The following ADAMTS10 variants were observed in gnomAD, a reference collection of about 807,000 sequenced individuals.
ADAMTS10 encodes the protein A disintegrin and metalloproteinase with thrombospondin motifs 10.
In ADAMTS10, 48 loss-of-function variants were observed where a neutral mutation model predicts 135.9. The ratio of observed to expected loss-of-function variants is 0.35; its 90% CI spans 0.28 to 0.45. The LOEUF (loss-of-function observed/expected upper bound fraction) is 0.45. ADAMTS10 is among the 20% of genes least tolerant of loss of function. ADAMTS10 has a pLI of 1.00. For missense variants in ADAMTS10, 1,131 were observed against 1,565.2 expected (o/e 0.72, Z 4.68); for synonymous variants, 621 against 647.5 (o/e 0.96, Z 0.62).
Position 8,592,839 on chromosome 19 carries a change from T to G in ADAMTS10, c.1511A>C (p.Lys504Thr). ...EVCSELWCLS[K>T]SNRCITNSIP... ...GCTGTTGGTGATGCACCGGTTGCTC[T>G]TGCTCAGACACCACAGCTCGCTGCA... The change falls in exon 13 of 26, where the codon AAG (lysine) becomes ACG (threonine). Residue 504 changes from lysine to threonine, a missense_variant. Physicochemically the swap from Lys to Thr is moderately conservative, Grantham distance 78. Transcript: ENST00000597188. The G allele has an allele frequency of 6.2e-7, 1 of 1,612,864 alleles. No individual in the cohort carries two copies. The highest frequency in any genetic ancestry group is 8.5e-7 in the Non-Finnish European group (1 of 1,179,856).
rs782753897 is a variant in ADAMTS10 at position 8,597,266 on chromosome 19, C to T, written c.862G>A (p.Val288Ile). Reference protein sequence around the residue: ...SSLGSTVNILVTRLILLTEDQ... With the variant: ...SSLGSTVNILITRLILLTEDQ... Reference sequence around the variant, plus strand: ...TCCGTGAGCAGGATGAGGCGAGTTACGAGGATGTTAACGGTGCTTCCCAGA... The same window carrying T: ...TCCGTGAGCAGGATGAGGCGAGTTATGAGGATGTTAACGGTGCTTCCCAGA... The change falls in exon 7 of 26, where the codon GTA (valine) becomes ATA (isoleucine). Residue 288 changes from valine (V) to isoleucine (I), a missense_variant. Physicochemically the swap from Val to Ile is conservative, Grantham distance 29. Transcript: ENST00000597188. 8 of 1,614,036 alleles carry T rather than the reference C, an allele frequency of 5.0e-6. No individual in the cohort carries two copies. The highest frequency in any genetic ancestry group is 4.5e-5 in the East Asian group (2 of 44,876).
intron 6 of ADAMTS10, among the ~76,000 whole-genome samples, chr19:8,598,645 T>G (rs1212924423): frequency 3.5e-5 from 5 of 142,612 alleles, no homozygotes; most frequent in African/African-American, 1.3e-4. Flanking sequence ...GGCGCAATCT[T>G]GGCTCACTCA....
chr19:8,595,967 G>T lies in ADAMTS10; in HGVS notation c.1338-64C>A, dbSNP rs551641639. 6.2e-6 allele frequency: 10 copies of T among 1,613,988 alleles called. No individual in the cohort carries two copies. The South Asian group carries it at 1.1e-4, about 18-fold the overall frequency. ...GCAAATCAAGAGCTCAGGAGCCTCAGCTGGATGGGGGTCCCAGGGAGCATC... is the reference window on the plus strand; with the variant it reads ...GCAAATCAAGAGCTCAGGAGCCTCATCTGGATGGGGGTCCCAGGGAGCATC... On this transcript the variant is annotated intron_variant, in intron 11 of 25. Transcript: ENST00000597188.
At position 8,601,041 on chromosome 19, in the gene ADAMTS10, G is replaced by A; in HGVS notation, c.697C>T (p.Arg233Ter). The A allele has an allele frequency of 6.2e-7, 1 of 1,614,138 alleles. No homozygotes were observed. Among genetic ancestry groups the A allele is most frequent in the Non-Finnish European group, 8.5e-7 (1 of 1,180,056 alleles). ...ETERGQPGLK[R>*]SVSRERYVET... ...ACGTAGCGCTCTCGGCTGACCGATC[G>A]CTTCAGGCCTGGCTGGCCACGCTCT... The change falls in exon 6 of 26, where the codon CGA becomes TGA. Residue 233 changes from arginine (R) to a stop codon, truncating the protein, a stop_gained. Transcript: ENST00000597188. LOFTEE classifies it high-confidence loss of function. The surrounding 1 kb of genome is among the most constrained non-coding windows in gnomAD (Gnocchi z 4.6).
intron 6 of ADAMTS10, among the ~76,000 whole-genome samples, chr19:8,598,219 AC>A (rs2146085547): frequency 6.6e-6 from 1 of 152,128 alleles, no homozygotes; most frequent in East Asian, 1.9e-4. Flanking sequence ...CAGAAGTGAG[AC>A]TCAAGTCTGG....
chr19:8,589,076 G>T (rs1555738024), intron 18 of ADAMTS10, among the ~76,000 whole-genome samples, 166 bp downstream of exon 18: 1 of 152,204 alleles, frequency 6.6e-6, no homozygotes, highest in East Asian at 1.9e-4. Context: ...ATAGGCTTGA[G>T]CCACTTCACC....
In ADAMTS10 at chr19:8,601,588, C is replaced by G. The variant is rs1555741622; in HGVS notation, c.593-443G>C. ...TGTTGGCCAGGCTGGTCTCGAACTC[C>G]TGACCTCAAGTGATCCACCCGTCTC... On this transcript the variant is annotated intron_variant, in intron 5 of 25. Transcript: ENST00000597188. This position sits in a 1 kb window ranked among gnomAD's most constrained non-coding sequence, Gnocchi z 4.6. 6.6e-6 allele frequency among the ~76,000 whole-genome samples: 1 copy of G among 152,092 alleles called. No homozygotes were observed. The highest frequency in any genetic ancestry group is 1.5e-5 in the Non-Finnish European group (1 of 68,018).
At chr19:8,589,683 C>A in intron 16 of ADAMTS10, 98 bp from the exon 17 acceptor site, 3 of 1,573,298 alleles carry the variant, frequency 1.9e-6, no homozygotes, top group Non-Finnish European at 2.6e-6. Context: ...GACCCCAGAC[C>A]CAAGAGGAAG....
chr19:8,587,642 G>T (rs1469342632), intron 18 of ADAMTS10, among the ~76,000 whole-genome samples: 2 of 151,750 alleles, frequency 1.3e-5, no homozygotes, highest in South Asian at 2.1e-4. Flanking sequence ...CTAATTAAAA[G>T]AATTTTGTAG....
chr19:8,580,839 G>T lies in ADAMTS10; in HGVS notation c.*54C>A. 6.9e-7 allele frequency: 1 copy of T among 1,452,014 alleles called. No homozygotes were observed. The highest frequency in any genetic ancestry group is 9.4e-7 in the Non-Finnish European group (1 of 1,060,942). 89.9% of individuals were successfully genotyped at this position (1,452,014 alleles called of 1,614,324 possible). On this transcript the variant is annotated 3_prime_UTR_variant, in exon 26 of 26. Transcript: ENST00000597188. ...CGGGGCCCCCTCTGGCCGGCCCGCT[G>T]CAGGGCTGGCGGCGGAGACCCCGCC...
chr19:8,586,337 G>A lies in ADAMTS10; in HGVS notation c.2530+7C>T, dbSNP rs782540299. 1.9e-6 allele frequency: 3 copies of A among 1,613,534 alleles called. No homozygotes were observed. The highest frequency in any genetic ancestry group is 2.5e-6 in the Non-Finnish European group (3 of 1,179,894). The stretch of plus-strand genomic sequence containing the variant: ...TATCTTGTGCCTTCCCCCACCCCCG[G>A]CCTCACCGCCTGCACACTGGGCCGA... On this transcript the variant is annotated splice_region_variant and intron_variant, in intron 21 of 25. Coordinates refer to ENST00000597188, the MANE Select transcript of ADAMTS10 (RefSeq NM_030957.4).
rs377638102 is a variant in ADAMTS10 at position 8,592,068 on chromosome 19, C to G, written c.1623G>C (p.Ser541=). ...AGGCTCCGTCCACACCCTCTGGGCGCGACCCAAAGGGGACACAGACCCGTT... is the reference window on the plus strand; with the variant it reads ...AGGCTCCGTCCACACCCTCTGGGCGGGACCCAAAGGGGACACAGACCCGTT... ...CYKRVCVPFG[S]RPEGVDGAWG... is the part of the protein sequence containing the mutation. The change falls in exon 14 of 26, where the codon TCG becomes TCC. Residue 541 remains serine, a synonymous_variant. Coordinates refer to ENST00000597188, the MANE Select transcript of ADAMTS10 (RefSeq NM_030957.4). 6.4e-5 allele frequency: 104 copies of G among 1,613,488 alleles called. No homozygotes were observed. Among genetic ancestry groups the G allele is most frequent in the Non-Finnish European group, 7.9e-5 (93 of 1,179,848 alleles).
Position 8,586,728 on chromosome 19 carries a change from G to C in ADAMTS10, c.2240-7C>G, listed in dbSNP as rs782324329. 6.2e-7 allele frequency: 1 copy of C among 1,614,114 alleles called. No individual in the cohort carries two copies. The highest frequency in any genetic ancestry group is 8.5e-7 in the Non-Finnish European group (1 of 1,180,018). ...TCCTGGTCTCCCTTCAGGGCTGGGG[G>C]ACGATGCAGGGTTCAGAATTCTAGT... On this transcript the variant is annotated splice_region_variant and splice_polypyrimidine_tract_variant and intron_variant, in intron 19 of 25. Coordinates refer to ENST00000597188, the MANE Select transcript of ADAMTS10 (RefSeq NM_030957.4).
chr19:8,605,251 G>A lies in ADAMTS10; in HGVS notation c.196C>T (p.Arg66Cys), dbSNP rs782504616. 8.1e-6 allele frequency: 13 copies of A among 1,613,174 alleles called. No individual in the cohort carries two copies. The highest frequency in any genetic ancestry group is 2.2e-5 in the East Asian group (1 of 44,844). The part of the protein sequence containing the change: ...FSPPPPRRQR[R>C]GTGATAESRL... ...GACTCGGCTGTGGCCCCCGTGCCGC[G>A]GCGCTGCCTCCGGGGAGGAGGTGGC... is the stretch of plus-strand genomic sequence containing the variant. Residue 66 changes from arginine (R) to cysteine (C), a missense_variant, in exon 4 of 26, where the codon CGC (arginine) becomes TGC (cysteine). By Grantham distance (180) the Arg-to-Cys change is radical. Transcript: ENST00000597188. The surrounding 1 kb of genome is among the most constrained non-coding windows in gnomAD (Gnocchi z 7.7).
chr19:8,602,156 G>T (rs1359991140), intron 5 of ADAMTS10, among the ~76,000 whole-genome samples: 1 of 152,170 alleles, frequency 6.6e-6, no homozygotes, highest in Admixed American at 6.5e-5. Flanking sequence ...ACTACAACCA[G>T]ATGGTCTCAT....
rs369044799 is a variant in ADAMTS10 at position 8,597,699 on chromosome 19, G to A, written c.811-382C>T. On this transcript the variant is annotated intron_variant, in intron 6 of 25. Coordinates refer to ENST00000597188, the MANE Select transcript of ADAMTS10 (RefSeq NM_030957.4). Reference sequence around the variant, plus strand: ...TCTGTTGCCCAGGCTGCAGTGCTGCGGTGCAATCTCAGCTCACTGTAACCT... The same window carrying A: ...TCTGTTGCCCAGGCTGCAGTGCTGCAGTGCAATCTCAGCTCACTGTAACCT... Among the ~76,000 whole-genome samples the A allele has an allele frequency of 3.2e-4, 48 of 152,198 alleles. No homozygotes were observed. The East Asian group carries it at 6.8e-3, about 21-fold the overall frequency.
chr19:8,607,093 G>A lies in ADAMTS10; in HGVS notation c.-100+1041C>T, dbSNP rs538694865. Among the ~76,000 whole-genome samples the A allele has an allele frequency of 7.9e-5, 12 of 152,208 alleles. No homozygotes were observed. The South Asian group carries it at 1.9e-3, about 24-fold the overall frequency. On this transcript the variant is annotated intron_variant, in intron 2 of 25. Coordinates refer to ENST00000597188, the MANE Select transcript of ADAMTS10 (RefSeq NM_030957.4). ...GAGCAAGGGGAGGCTGGCATCAGAG[G>A]CACTTGAAGGGGGGGCTGGTCGGTG... is the stretch of plus-strand genomic sequence containing the variant.
intron 6 of ADAMTS10, among the ~76,000 whole-genome samples, chr19:8,600,063 C>T (rs1362891213): frequency 1.3e-5 from 2 of 152,134 alleles, no homozygotes; most frequent in Non-Finnish European, 2.9e-5. Flanking sequence ...TCTTGAATTC[C>T]TGACCTCAAG....
Position 8,585,515 on chromosome 19 carries a change from G to A in ADAMTS10, c.2806C>T (p.Leu936=), listed in dbSNP as rs1555736787. The part of the protein sequence containing the change: ...SACPQPRPPV[L]EACHGPTCPP... ...CAAGTGGGGCCGTGGCAGGCCTCCA[G>A]TACAGGTGGGCGCGGCTGCGGGCAT... Residue 936 remains leucine, a synonymous_variant, in exon 23 of 26, where the codon CTG becomes TTG. Transcript: ENST00000597188. 4 of 1,553,230 alleles carry A rather than the reference G, an allele frequency of 2.6e-6. No individual in the cohort carries two copies. Among genetic ancestry groups the A allele is most frequent in the Non-Finnish European group, 3.5e-6 (4 of 1,148,806 alleles).
Sources: allele counts gnomAD v4.1 joint callset (sites outside exome capture counted in the v4.1 genomes callset), GRCh38; gene constraint gnomAD v4.1.1; non-coding constraint Gnocchi (gnomAD v3.1); transcripts MANE v1.5; gene names NCBI Gene and HGNC (gene_info 2026-07-23, HGNC 2026-07-21).